Variants in ZNF469 observed in about 807,000 individuals in gnomAD.
ZNF469 encodes the protein zinc finger protein 469.
ZNF469 carries 1 observed loss-of-function variant against 1.0 expected under a neutral mutation model. That is an observed-to-expected ratio of 1.00 (90% confidence interval 0.35 to 4.73). The LOEUF (loss-of-function observed/expected upper bound fraction) is 4.73. Ranked by LOEUF, ZNF469 falls within the 30% of genes most tolerant of loss-of-function variation. ZNF469 has a pLI of 0.16. For missense variants in ZNF469, 6,100 were observed against 5,356.3 expected, an observed-to-expected ratio of 1.14 and a Z score of -4.33; for synonymous variants, 2,703 against 2,363.4, an observed-to-expected ratio of 1.14 and a Z score of -4.17.
At chr16:88,269,291 T>C in the ZNF469 span, among the ~76,000 whole-genome samples, 52,867 of 145,524 alleles carry the variant, frequency 0.36, 9,389 homozygotes, top group East Asian at 0.46. Flanking sequence ...CCCAGGCGGC[T>C]TGGCCTGTGA....
chr16:88,146,171 C>G, the ZNF469 span, among the ~76,000 whole-genome samples: 1 of 152,232 alleles, frequency 6.6e-6, no homozygotes, highest in African/African-American at 2.4e-5. Context: ...CTCAGGCATC[C>G]ATGCACCAGC....
chr16:88,409,493 C>T (rs1004178226), intron 1 of ZNF469, among the ~76,000 whole-genome samples: 2 of 152,066 alleles, frequency 1.3e-5, no homozygotes, highest in East Asian at 3.9e-4. Flanking sequence ...ACAGGCGGGT[C>T]ACCCACGTGC....
the ZNF469 span, among the ~76,000 whole-genome samples, chr16:88,263,509 G>A: frequency 5.3e-5 from 8 of 152,206 alleles, no homozygotes; most frequent in Admixed American, 5.2e-4. Flanking sequence ...ACAGAGGGAG[G>A]GGCAGGCGTG....
the ZNF469 span, among the ~76,000 whole-genome samples, chr16:88,247,372 GTGAGTGAA>G: frequency 3.5e-5 from 3 of 86,892 alleles, no homozygotes; most frequent in East Asian, 3.8e-4. Context: ...GAATGAATGA[GTGAGTGAA>G]TGAATGAGTC....
chr16:88,251,119 C>T, the ZNF469 span, among the ~76,000 whole-genome samples: 1 of 152,170 alleles, frequency 6.6e-6, no homozygotes, highest in Admixed American at 6.5e-5. Context: ...CTCAGGTGAT[C>T]CACCCGCCTC....
rs780659413 is a variant in ZNF469, at chr16:88,435,368, A to G, written c.7898A>G (p.Lys2633Arg). Residue 2633 changes from lysine to arginine, a missense_variant, in exon 3 of 3, where the codon AAG becomes AGG. Physicochemically the swap from Lys to Arg is conservative, Grantham distance 26. Transcript: ENST00000565624. Reference sequence around the variant, plus strand: ...AGCCACTCAGAGGGGAAGTCAAATAAGAAAAGGGGAAAGCTGAGAGGGAGA... The same window carrying G: ...AGCCACTCAGAGGGGAAGTCAAATAGGAAAAGGGGAAAGCTGAGAGGGAGA... ...SPSHSEGKSNKKRGKLRGRRL... is the reference protein window; with the variant it reads ...SPSHSEGKSNRKRGKLRGRRL... The G allele has an allele frequency of 1.3e-6, 2 of 1,550,256 alleles. No homozygotes were observed. Among genetic ancestry groups the G allele is most frequent in the East Asian group, 4.9e-5 (2 of 40,934 alleles).
chr16:88,361,296 C>T, the ZNF469 span, among the ~76,000 whole-genome samples: 2 of 152,326 alleles, frequency 1.3e-5, no homozygotes, highest in South Asian at 4.1e-4. Flanking sequence ...TTACCTACTA[C>T]TCATCTCCTG....
chr16:88,230,931 G>A, the ZNF469 span, among the ~76,000 whole-genome samples: 5 of 152,168 alleles, frequency 3.3e-5, no homozygotes, highest in African/African-American at 1.2e-4. Flanking sequence ...TGAGTGCCAG[G>A]TGCCATGGGC....
At chr16:88,239,705 ATATATATATATTTTTTTTTTTTTT>A in the ZNF469 span, among the ~76,000 whole-genome samples, 120 of 5,846 alleles carry the variant, frequency 0.021, 7 homozygotes, top group Non-Finnish European at 0.024. Flanking sequence ...ATATATATAT[ATATATATATATTTTTTTTTTTTTT>A]TTTTTTTTTT....
Position 88,432,024 on chromosome 16 carries a change from C to G in ZNF469, c.4554C>G (p.Leu1518=), listed in dbSNP as rs1444894548. 5 of 1,550,338 alleles carry G rather than the reference C, an allele frequency of 3.2e-6. No individual in the cohort carries two copies. The highest frequency in any genetic ancestry group is 4.9e-5 in the East Asian group (2 of 40,932). The change falls in exon 3 of 3, where the codon CTC becomes CTG. Residue 1518 remains leucine, a synonymous_variant. Transcript: ENST00000565624. ...SPMLPSHFPD[L]SGGKVLSKTC... ...TGCTGCCTAGCCATTTTCCTGATCT[C>G]TCGGGGGGAAAGGTGCTCAGTAAGA...
chr16:88,355,570 C>G, the ZNF469 span, among the ~76,000 whole-genome samples: 1 of 152,236 alleles, frequency 6.6e-6, no homozygotes, highest in Non-Finnish European at 1.5e-5. Context: ...AGGCCAGGCC[C>G]TCAGATCTCA....
At chr16:88,208,041 A>G in the ZNF469 span, among the ~76,000 whole-genome samples, 2 of 152,046 alleles carry the variant, frequency 1.3e-5, no homozygotes, top group African/African-American at 4.8e-5. Context: ...GACTGAAGAG[A>G]TTTCCTTTCT....
At chr16:88,411,457 CG>C (rs1567504043) in intron 1 of ZNF469, among the ~76,000 whole-genome samples, 26 of 55,304 alleles carry the variant, frequency 4.7e-4, no homozygotes, top group African/African-American at 6.8e-4. Flanking sequence ...GGCAGGGGTG[CG>C]AGTGGGCAGG....
chr16:88,431,972 T>A lies in ZNF469; in HGVS notation c.4502T>A (p.Phe1501Tyr). The change falls in exon 3 of 3, where the codon TTT becomes TAT. Residue 1501 changes from phenylalanine to tyrosine, a missense_variant. By Grantham distance (22) the Phe-to-Tyr change is conservative. Coordinates refer to ENST00000565624, the MANE Select transcript of ZNF469 (RefSeq NM_001367624.2). ...CCGTCAGATCCACCGTACCCCTCTT[T>A]TTTGCTGCTTGAGGAAGTATCCCCG... The part of the protein sequence containing the change: ...TVPSDPPYPS[F>Y]LLLEEVSPML... 1 of 1,549,662 alleles carries A rather than the reference T, an allele frequency of 6.5e-7. No individual in the cohort carries two copies. Among genetic ancestry groups the A allele is most frequent in the Non-Finnish European group, 8.7e-7 (1 of 1,146,968 alleles).
the ZNF469 span, among the ~76,000 whole-genome samples, chr16:88,322,984 C>T: frequency 5.3e-5 from 8 of 152,202 alleles, no homozygotes; most frequent in Non-Finnish European, 8.8e-5. Context: ...ATGCTTACAA[C>T]GCTGTCAGTA....
intron 1 of ZNF469, among the ~76,000 whole-genome samples, chr16:88,389,963 G>A (rs1018615804): frequency 7.9e-5 from 12 of 152,238 alleles, no homozygotes; most frequent in African/African-American, 2.9e-4. Flanking sequence ...CGCGAGTGAG[G>A]TGGGGTCGGC....
rs914440464 is a variant in ZNF469, at chr16:88,383,146, T to A, written c.-300T>A. Among the ~76,000 whole-genome samples the A allele has an allele frequency of 6.1e-5, 9 of 147,852 alleles. No homozygotes were observed. The highest frequency in any genetic ancestry group is 1.3e-4 in the Admixed American group (2 of 14,920). On this transcript the variant is annotated 5_prime_UTR_variant, in exon 1 of 3. Transcript: ENST00000565624. ...GGCGGGCGGGCGGCCCGGGCGGGCC[T>A]GCGGTCGGGATGAGGACGGCGCCTC...
the ZNF469 span, among the ~76,000 whole-genome samples, chr16:88,344,467 T>C: frequency 7.3e-5 from 11 of 151,476 alleles, no homozygotes; most frequent in East Asian, 1.2e-3. Context: ...TGAAGAGCCA[T>C]TGGGCTGGGT....
the ZNF469 span, among the ~76,000 whole-genome samples, chr16:88,377,361 C>T: frequency 1.1e-4 from 16 of 152,198 alleles, no homozygotes; most frequent in Non-Finnish European, 1.6e-4. Context: ...GCTACTCTCC[C>T]GCTGGGCCCG....
Sources: allele counts gnomAD v4.1 joint callset (sites outside exome capture counted in the v4.1 genomes callset), GRCh38; gene constraint gnomAD v4.1.1; transcripts MANE v1.5; gene names NCBI Gene and HGNC (gene_info 2026-07-23, HGNC 2026-07-21).